MGAT4A: variants seen among roughly 807,000 people sequenced by gnomAD.
MGAT4A encodes N-acetylglucosaminyltransferase IVa.
A neutral mutation model predicts 74.1 loss-of-function variants in MGAT4A; 33 were observed. The ratio of observed to expected loss-of-function variants is 0.45; its 90% CI spans 0.34 to 0.60. The LOEUF (loss-of-function observed/expected upper bound fraction) is 0.60, where lower values mean the gene tolerates loss of function less well. MGAT4A is among the 20% of genes least tolerant of loss of function. MGAT4A has a pLI of 0.02. For synonymous variants in MGAT4A, 198 were observed against 210.4 expected, an observed-to-expected ratio of 0.94 and a Z score of 0.51; for missense variants, 479 against 628.3, an observed-to-expected ratio of 0.76 and a Z score of 2.54.
chr2:98,673,114 C>G (rs935823307), intron 4 of MGAT4A, among the ~76,000 whole-genome samples: 1 of 151,934 alleles, frequency 6.6e-6, no homozygotes, highest in Non-Finnish European at 1.5e-5. Context: ...CTGGGTGGTG[C>G]GCCGACAGTT....
At chr2:98,724,429 A>G (rs540848076) in intron 2 of MGAT4A, among the ~76,000 whole-genome samples, 13 of 152,352 alleles carry the variant, frequency 8.5e-5, no homozygotes, top group African/African-American at 2.2e-4. Flanking sequence ...TTAACACAGA[A>G]GATTTTATGT....
At chr2:98,657,935 CTGTAT>C (rs1361450517) in intron 6 of MGAT4A, among the ~76,000 whole-genome samples, 1 of 152,186 alleles carries the variant, frequency 6.6e-6, no homozygotes, top group East Asian at 1.9e-4. Context: ...ATGACTCTCT[CTGTAT>C]TCACTGTCTT....
At position 98,625,442 on chromosome 2, in the gene MGAT4A, A is replaced by C; in HGVS notation, c.*124T>G. 1 of 1,492,792 alleles carries C rather than the reference A, an allele frequency of 6.7e-7. No individual in the cohort carries two copies. The highest frequency in any genetic ancestry group is 2.5e-5 in the East Asian group (1 of 40,794). 92.5% of individuals were successfully genotyped at this position (1,492,792 alleles called of 1,614,324 possible). ...GATTCACTTTCCAAGTGGAAATGAC[A>C]ATCGTCTTATCTACAGTAGACTTCA... is the stretch of plus-strand genomic sequence containing the variant. On this transcript the variant is annotated 3_prime_UTR_variant, in exon 16 of 16. Transcript: ENST00000393487.
intron 12 of MGAT4A, among the ~76,000 whole-genome samples, chr2:98,639,519 A>T (rs2104232708): frequency 6.6e-6 from 1 of 152,244 alleles, no homozygotes; most frequent in South Asian, 2.1e-4. Context: ...ATAAACACTA[A>T]TTTGAGATTT....
intron 2 of MGAT4A, among the ~76,000 whole-genome samples, chr2:98,705,855 T>C (rs1702419261): frequency 6.9e-6 from 1 of 144,674 alleles, no homozygotes; most frequent in African/African-American, 2.6e-5. Context: ...GGCAGGAGAA[T>C]GGCGTGAACC....
At chr2:98,668,202 C>A (rs1213197265) in intron 4 of MGAT4A, among the ~76,000 whole-genome samples, 5 of 152,208 alleles carry the variant, frequency 3.3e-5, no homozygotes. Context: ...TGTCAGAGAC[C>A]TTTGTGGCAA....
At position 98,663,079 on chromosome 2, in the gene MGAT4A, C is replaced by T. The variant is rs1402823701; in HGVS notation, c.504G>A (p.Lys168=). 1.5e-5 allele frequency: 24 copies of T among 1,591,226 alleles called. No homozygotes were observed. The highest frequency in any genetic ancestry group is 2.0e-5 in the Non-Finnish European group (23 of 1,166,754). The change falls in exon 5 of 16, where the codon AAG becomes AAA. Residue 168 remains lysine (K), a synonymous_variant. Coordinates refer to ENST00000393487, the MANE Select transcript of MGAT4A (RefSeq NM_012214.3). ...TGAAGACTACTATAACACAGTCCAA[C>T]TTCTCTTCAGGATACAGGTTATCAA... The part of the protein sequence containing the change: ...SLIDNLYPEE[K]LDCVIVVFIG...
rs774468103 is a variant in MGAT4A, at chr2:98,636,593, T to A, written c.1325A>T (p.Tyr442Phe). 2 of 1,611,008 alleles carry A rather than the reference T, an allele frequency of 1.2e-6. No individual in the cohort carries two copies. Among genetic ancestry groups the A allele is most frequent in the South Asian group, 2.2e-5 (2 of 91,002 alleles). Residue 442 changes from tyrosine (Y) to phenylalanine (F), a missense_variant and splice_region_variant, in exon 13 of 16, where the codon TAT becomes TTT. Physicochemically the swap from Tyr to Phe is conservative, Grantham distance 22. Around this residue, in one of 3 missense-constraint regions of MGAT4A, gnomAD observed 236 missense variants for 308.2 expected, o/e 0.77. Transcript: ENST00000393487. ...KFDKPVNVES[Y>F]LFHSGNQEHP... ...TTCTTGGTTGCCGCTATGGAACAAA[T>A]AACTGAAAATACAAACATCAAAATA... is the stretch of plus-strand genomic sequence containing the variant.
Position 98,635,305 on chromosome 2 carries a change from G to T in MGAT4A, c.1402-17C>A. 6.4e-7 allele frequency: 1 copy of T among 1,561,212 alleles called. No homozygotes were observed. The highest frequency in any genetic ancestry group is 8.7e-7 in the Non-Finnish European group (1 of 1,145,308). ...ACCTTCACTCTAAAATAAAACAAAA[G>T]CATTAATTTCAAAAATAATTCTTTC... On this transcript the variant is annotated splice_polypyrimidine_tract_variant and intron_variant, in intron 13 of 15. Coordinates refer to ENST00000393487, the MANE Select transcript of MGAT4A (RefSeq NM_012214.3).
At chr2:98,666,386 T>C (rs557178965) in intron 4 of MGAT4A, among the ~76,000 whole-genome samples, 1 of 152,278 alleles carries the variant, frequency 6.6e-6, no homozygotes, top group African/African-American at 2.4e-5. Flanking sequence ...CAAAATTCCA[T>C]AGAATAATCT....
Position 98,625,468 on chromosome 2 carries a change from C to G in MGAT4A, c.*98G>C, listed in dbSNP as rs1197003200. On this transcript the variant is annotated 3_prime_UTR_variant, in exon 16 of 16. Transcript: ENST00000393487. The stretch of plus-strand genomic sequence containing the variant: ...ATCGTCTTATCTACAGTAGACTTCA[C>G]AAGAGGTAGTGTTCAAGTAGAAATA... The G allele has an allele frequency of 6.4e-7, 1 of 1,557,308 alleles. No individual in the cohort carries two copies. Among genetic ancestry groups the G allele is most frequent in the Non-Finnish European group, 8.6e-7 (1 of 1,158,224 alleles).
rs1194503715 is a variant in MGAT4A at position 98,622,575 on chromosome 2, A to G, written c.*2991T>C. The G allele has an allele frequency of 2.0e-6, 2 of 985,210 alleles. No individual in the cohort carries two copies. The highest frequency in any genetic ancestry group is 2.4e-6 in the Non-Finnish European group (2 of 829,946). The allele number at this position is 985,210 out of a possible 1,614,324, so 61.0% of individuals were successfully genotyped here. ...CCCTCCCTTAATCTTCTGCCCTCACACTGCTCTTAAGGGCGACCACTACAA... is the reference window on the plus strand; with the variant it reads ...CCCTCCCTTAATCTTCTGCCCTCACGCTGCTCTTAAGGGCGACCACTACAA... On this transcript the variant is annotated 3_prime_UTR_variant, in exon 16 of 16. Coordinates refer to ENST00000393487, the MANE Select transcript of MGAT4A (RefSeq NM_012214.3).
At chr2:98,679,962 G>C (rs1702035621) in intron 2 of MGAT4A, among the ~76,000 whole-genome samples, 1 of 151,344 alleles carries the variant, frequency 6.6e-6, no homozygotes, top group Non-Finnish European at 1.5e-5. Flanking sequence ...ATTAAATTAA[G>C]ATAAACCGCA....
chr2:98,632,523 T>C (rs1701255769), intron 14 of MGAT4A, among the ~76,000 whole-genome samples: 1 of 152,234 alleles, frequency 6.6e-6, no homozygotes. Context: ...TGCTTAACAC[T>C]AAAATTTCCA....
intron 2 of MGAT4A, among the ~76,000 whole-genome samples, chr2:98,715,939 G>C (rs1702586250): frequency 6.6e-6 from 1 of 152,174 alleles, no homozygotes; most frequent in Non-Finnish European, 1.5e-5. Flanking sequence ...AAGCCTGTCA[G>C]ACACCACTTC....
chr2:98,634,818 G>A (rs536272525), intron 14 of MGAT4A, among the ~76,000 whole-genome samples: 2 of 151,402 alleles, frequency 1.3e-5, no homozygotes, highest in African/African-American at 4.9e-5. Context: ...ACGGCTATGT[G>A]GCTGCCAGGT....
chr2:98,640,928 C>T (rs1701398337), intron 10 of MGAT4A, among the ~76,000 whole-genome samples: 1 of 152,070 alleles, frequency 6.6e-6, no homozygotes, highest in Admixed American at 6.5e-5. Flanking sequence ...ATAAATGGCG[C>T]ATTTTGTTGC....
At chr2:98,709,590 A>G (rs1219545489) in intron 2 of MGAT4A, among the ~76,000 whole-genome samples, 1 of 152,230 alleles carries the variant, frequency 6.6e-6, no homozygotes, top group Non-Finnish European at 1.5e-5. Flanking sequence ...AAAACCTAAC[A>G]TGGTAGCCAA....
intron 2 of MGAT4A, among the ~76,000 whole-genome samples, chr2:98,712,317 T>C (rs748997562): frequency 5.6e-4 from 86 of 152,354 alleles, no homozygotes; most frequent in Non-Finnish European, 9.8e-4. Flanking sequence ...AGTGCTATCA[T>C]AGCACTGTGT....
Sources: gnomAD v4.1 joint callset for allele counts (sites outside exome capture counted in the v4.1 genomes callset) on GRCh38, gnomAD v4.1.1 for gene constraint, gnomAD v4.1.1 regional missense constraint, MANE v1.5 for transcripts, NCBI Gene and HGNC (gene_info 2026-07-23, HGNC 2026-07-21) for gene names.